BORCS5: variants seen among roughly 807,000 people sequenced by gnomAD.
BORCS5 encodes the protein BLOC-1-related complex subunit 5.
Under a neutral mutation model 22.1 loss-of-function variants are expected in BORCS5, and 17 were observed. The observed-to-expected ratio is 0.77, with a 90% CI of 0.53 to 1.15. BORCS5 has a LOEUF of 1.15. Among genes scored for constraint, BORCS5 ranks in the 50% most tolerant of loss-of-function variants. The probability of loss-of-function intolerance (pLI) is 0.00; values close to 1 mark genes in which losing one functional copy is unlikely to be tolerated. For missense variants in BORCS5, 247 were observed against 253.2 expected (o/e 0.98, Z 0.17); for synonymous variants, 117 against 99.8 (o/e 1.17, Z -1.03).
At chr12:12,396,031 G>A (rs1941332137) in intron 2 of BORCS5, among the ~76,000 whole-genome samples, 1 of 152,038 alleles carries the variant, frequency 6.6e-6, no homozygotes. Context: ...GTCTGGCTCT[G>A]TTGCCCAGGC....
intron 2 of BORCS5, among the ~76,000 whole-genome samples, chr12:12,429,262 A>C (rs898457645): frequency 1.3e-5 from 2 of 152,224 alleles, no homozygotes; most frequent in Non-Finnish European, 2.9e-5. Context: ...CAGAAGATCC[A>C]GGAGAGGCGT....
intron 2 of BORCS5, among the ~76,000 whole-genome samples, chr12:12,384,263 T>G (rs1465628278): frequency 2.0e-5 from 3 of 150,972 alleles, no homozygotes; most frequent in African/African-American, 7.3e-5. Flanking sequence ...ATTACAGGTG[T>G]GAGCCACCGT....
chr12:12,415,014 C>T (rs1419043903), intron 2 of BORCS5, among the ~76,000 whole-genome samples: 1 of 129,112 alleles, frequency 7.7e-6, no homozygotes, highest in Non-Finnish European at 1.7e-5. Context: ...AGGCGCTCCT[C>T]GCTTCCTAGA....
At chr12:12,402,652 C>T (rs1565872036) in intron 2 of BORCS5, among the ~76,000 whole-genome samples, 1 of 152,192 alleles carries the variant, frequency 6.6e-6, no homozygotes, top group African/African-American at 2.4e-5. Flanking sequence ...TGTTATGGAA[C>T]ATCTTTGAGT....
chr12:12,365,486 T>C (rs1239035599), intron 2 of BORCS5, among the ~76,000 whole-genome samples: 2 of 151,814 alleles, frequency 1.3e-5, no homozygotes, highest in Non-Finnish European at 2.9e-5. Context: ...GGCCCGAGTT[T>C]CAAAAAATAC....
chr12:12,369,379 C>T (rs114195934), intron 2 of BORCS5, among the ~76,000 whole-genome samples: 2,116 of 152,168 alleles, frequency 0.014, 68 homozygotes, highest in African/African-American at 0.049. Context: ...TTTAGGCTAT[C>T]GTCTGCTTTT....
At chr12:12,436,828 C>G (rs887834971) in intron 3 of BORCS5, among the ~76,000 whole-genome samples, 2 of 152,202 alleles carry the variant, frequency 1.3e-5, no homozygotes, top group African/African-American at 4.8e-5. Flanking sequence ...TGCATATACT[C>G]TTCTCTCATG....
At chr12:12,437,035 A>G (rs969880573) in intron 3 of BORCS5, among the ~76,000 whole-genome samples, 2 of 152,112 alleles carry the variant, frequency 1.3e-5, no homozygotes, top group Admixed American at 1.3e-4. Flanking sequence ...CCTCCCAGTA[A>G]GTCTAGGTGT....
intron 3 of BORCS5, among the ~76,000 whole-genome samples, chr12:12,457,424 C>T (rs1189176579): frequency 9.2e-5 from 14 of 152,250 alleles, no homozygotes; most frequent in African/African-American, 3.4e-4. Context: ...AATCCCAGCA[C>T]TTTGGGAGGC....
At chr12:12,398,495 C>T (rs536546746) in intron 2 of BORCS5, among the ~76,000 whole-genome samples, 2 of 152,222 alleles carry the variant, frequency 1.3e-5, no homozygotes, top group East Asian at 3.9e-4. Flanking sequence ...AGATGTTTAC[C>T]ATGTCCTCCC....
chr12:12,416,579 A>G (rs1941962102), intron 2 of BORCS5, among the ~76,000 whole-genome samples: 1 of 151,780 alleles, frequency 6.6e-6, no homozygotes, highest in South Asian at 2.1e-4. Context: ...AGTAACTGAG[A>G]CTACAGACAC....
At chr12:12,457,338 G>A (rs968174018) in intron 3 of BORCS5, among the ~76,000 whole-genome samples, 2 of 152,208 alleles carry the variant, frequency 1.3e-5, no homozygotes, top group African/African-American at 4.8e-5. Context: ...TGCTACTGTC[G>A]TTATCCATAA....
intron 2 of BORCS5, among the ~76,000 whole-genome samples, chr12:12,399,996 TTAAATAAGATG>T (rs1341577159): frequency 2.0e-5 from 3 of 152,232 alleles, no homozygotes; most frequent in African/African-American, 7.2e-5. Context: ...TTAAATGTTA[TTAAATAAGATG>T]TGCAAATAGA....
In BORCS5 at chr12:12,470,197, A is replaced by C. The variant is rs1361294419; in HGVS notation, c.*4421A>C. 6.6e-6 allele frequency among the ~76,000 whole-genome samples: 1 copy of C among 152,148 alleles called. No individual in the cohort carries two copies. The highest frequency in any genetic ancestry group is 2.4e-5 in the African/African-American group (1 of 41,422). ...GCAGTTATACTGTCTCAGCCTCCCG[A>C]GTAGCTGGGACTACAGGTGCCCGCC... is the stretch of plus-strand genomic sequence containing the variant. On this transcript the variant is annotated 3_prime_UTR_variant, in exon 4 of 4. Coordinates refer to ENST00000314565, the MANE Select transcript of BORCS5 (RefSeq NM_058169.6).
Position 12,360,343 on chromosome 12 carries a change from A to G in BORCS5, c.59-863A>G, listed in dbSNP as rs548040209. 1.6e-4 allele frequency among the ~76,000 whole-genome samples: 24 copies of G among 152,306 alleles called. No individual in the cohort carries two copies. The East Asian group carries it at 4.4e-3, about 28-fold the overall frequency. On this transcript the variant is annotated intron_variant, in intron 1 of 3. Coordinates refer to ENST00000314565, the MANE Select transcript of BORCS5 (RefSeq NM_058169.6). ...CACCACTGTACTCCAACCTGGCGAC[A>G]GAGCGAGGCTCTGCCTCAAAATAAA...
chr12:12,448,001 G>A (rs1025358552), intron 3 of BORCS5, among the ~76,000 whole-genome samples: 2 of 152,066 alleles, frequency 1.3e-5, no homozygotes, highest in African/African-American at 4.8e-5. Flanking sequence ...GTTTTTACAT[G>A]TTTACCATGT....
At chr12:12,411,293 G>A (rs1162540922) in intron 2 of BORCS5, among the ~76,000 whole-genome samples, 1 of 152,150 alleles carries the variant, frequency 6.6e-6, no homozygotes, top group East Asian at 1.9e-4. Flanking sequence ...GGGCATCCCT[G>A]TCTTGTGCCC....
intron 2 of BORCS5, among the ~76,000 whole-genome samples, chr12:12,406,558 C>T (rs1490421606): frequency 6.6e-6 from 1 of 152,020 alleles, no homozygotes. Context: ...TTTCTTGCAT[C>T]CTTTTCTGAT....
At chr12:12,394,622 C>T (rs555751397) in intron 2 of BORCS5, among the ~76,000 whole-genome samples, 2 of 151,946 alleles carry the variant, frequency 1.3e-5, no homozygotes, top group Admixed American at 1.3e-4. Flanking sequence ...CCTTGGCCTC[C>T]TGAGTAGCTG....
Sources: allele counts gnomAD v4.1 joint callset (sites outside exome capture counted in the v4.1 genomes callset), GRCh38; gene constraint gnomAD v4.1.1; transcripts MANE v1.5; gene names NCBI Gene and HGNC (gene_info 2026-07-23, HGNC 2026-07-21).